The following TBCE variants were observed in gnomAD, a reference collection of about 807,000 sequenced individuals.
TBCE encodes the protein tubulin-specific chaperone E.
TBCE carries 53 observed loss-of-function variants against 77.0 expected under a neutral mutation model. The ratio of observed to expected loss-of-function variants is 0.69; its 90% CI spans 0.55 to 0.87. The LOEUF is 0.87. Among genes scored for constraint, TBCE ranks in the 40% least tolerant of loss-of-function variants. TBCE has a pLI of 0.00. For missense variants in TBCE, 624 were observed against 622.4 expected, an observed-to-expected ratio of 1.00 and a Z score of -0.03; for synonymous variants, 235 against 241.3, an observed-to-expected ratio of 0.97 and a Z score of 0.24.
Position 235,419,548 on chromosome 1 carries a change from T to C in TBCE, c.447T>C (p.Ala149=), listed in dbSNP as rs1680282424. The change falls in exon 5 of 17, where the codon GCT becomes GCC. Residue 149 remains alanine, a synonymous_variant. Coordinates refer to ENST00000642610, the MANE Select transcript of TBCE (RefSeq NM_003193.5). Reference sequence around the variant, plus strand: ...GTGCTGGTGAAAAAGGAGGAGTTGCTGAAGCATGTCCTAGTATCCTTTTCA... The same window carrying C: ...GTGCTGGTGAAAAAGGAGGAGTTGCCGAAGCATGTCCTAGTATCCTTTTCA... ...VSCAGEKGGV[A]EACPNIRKVD... 6.8e-6 allele frequency: 11 copies of C among 1,614,056 alleles called. No homozygotes were observed. The highest frequency in any genetic ancestry group is 8.5e-6 in the Non-Finnish European group (10 of 1,180,038).
At chr1:235,386,670 C>G (rs1027234474) in intron 2 of TBCE, among the ~76,000 whole-genome samples, 3 of 152,140 alleles carry the variant, frequency 2.0e-5, no homozygotes, top group African/African-American at 7.2e-5. Context: ...AAGCACTTCT[C>G]TGTATTGGTT....
At chr1:235,428,655 A>ATTTG (rs1201881651) in intron 6 of TBCE, among the ~76,000 whole-genome samples, 1 of 142,848 alleles carries the variant, frequency 7.0e-6, no homozygotes, top group Non-Finnish European at 1.5e-5. Flanking sequence ...TTATTTATTT[A>ATTTG]TTTATTTGAG....
At chr1:235,369,791 C>G (rs1676794866) in intron 1 of TBCE, among the ~76,000 whole-genome samples, 1 of 150,968 alleles carries the variant, frequency 6.6e-6, no homozygotes, top group Admixed American at 6.6e-5. Flanking sequence ...GAGATTGTGC[C>G]ATTGCACTCC....
intron 3 of TBCE, among the ~76,000 whole-genome samples, chr1:235,410,137 C>T (rs1414219731): frequency 6.6e-6 from 1 of 151,496 alleles, no homozygotes; most frequent in Non-Finnish European, 1.5e-5. Context: ...ATTGCTTCAA[C>T]CCGGGAGGCT....
chr1:235,436,488 C>T, intron 10 of TBCE, 38 bp downstream of exon 10: 1 of 1,610,086 alleles, frequency 6.2e-7, no homozygotes, highest in African/African-American at 1.3e-5. Flanking sequence ...TGCCCCCCCA[C>T]ACTATACTTC....
chr1:235,446,156 G>A (rs537622566), intron 15 of TBCE, among the ~76,000 whole-genome samples: 10 of 152,012 alleles, frequency 6.6e-5, no homozygotes, highest in African/African-American at 1.4e-4. Flanking sequence ...AATGTAGTAC[G>A]TCAATATATT....
intron 1 of TBCE, among the ~76,000 whole-genome samples, chr1:235,369,957 C>T (rs1300814564): frequency 6.6e-6 from 1 of 152,200 alleles, no homozygotes; most frequent in Non-Finnish European, 1.5e-5. Flanking sequence ...TGTATGGTCT[C>T]CTCAAGCGCA....
chr1:235,389,111 T>G (rs1678213453), intron 2 of TBCE, among the ~76,000 whole-genome samples: 1 of 152,248 alleles, frequency 6.6e-6, no homozygotes, highest in Non-Finnish European at 1.5e-5. Flanking sequence ...TCCCAATTCT[T>G]GAAGACAGGG....
chr1:235,415,483 G>A (rs559677272), intron 4 of TBCE: 2 of 152,320 alleles, frequency 1.3e-5, no homozygotes, highest in Admixed American at 1.3e-4. Flanking sequence ...TGTGGTGAGT[G>A]ACTTGGACGA....
chr1:235,370,325 C>T (rs1040647415), intron 1 of TBCE, among the ~76,000 whole-genome samples: 1 of 150,238 alleles, frequency 6.7e-6, no homozygotes, highest in Non-Finnish European at 1.5e-5. Context: ...ACGTTCTCGG[C>T]TCACTGCAAC....
chr1:235,414,272 C>G (rs1679984607), intron 3 of TBCE, among the ~76,000 whole-genome samples, 161 bp from the exon 4 acceptor site: 1 of 152,098 alleles, frequency 6.6e-6, no homozygotes, highest in Non-Finnish European at 1.5e-5. Flanking sequence ...CCTTTATGGT[C>G]AATCATACTG....
intron 13 of TBCE, 123 bp downstream of exon 13, chr1:235,439,045 G>C (rs947995929): frequency 1.7e-5 from 24 of 1,387,980 alleles, no homozygotes; most frequent in Non-Finnish European, 2.3e-5. Context: ...TGGGCTTCTT[G>C]TATTCATCTG....
At chr1:235,434,823 T>A (rs541646083) in intron 8 of TBCE, among the ~76,000 whole-genome samples, 1 of 152,168 alleles carries the variant, frequency 6.6e-6, no homozygotes, top group African/African-American at 2.4e-5. Flanking sequence ...ACTTGCTGTT[T>A]CTAAATGGAA....
chr1:235,371,854 G>T (rs1473369939), intron 1 of TBCE, among the ~76,000 whole-genome samples: 7 of 152,054 alleles, frequency 4.6e-5, no homozygotes, highest in Non-Finnish European at 7.4e-5. Flanking sequence ...TGTTTTTTTA[G>T]TAGAGGTGGG....
chr1:235,383,996 T>C (rs2102821034), intron 2 of TBCE, among the ~76,000 whole-genome samples: 1 of 152,246 alleles, frequency 6.6e-6, no homozygotes, highest in South Asian at 2.1e-4. Context: ...GTCCCATCAA[T>C]ACCTAATTTA....
intron 4 of TBCE, 188 bp downstream of exon 4, chr1:235,414,806 C>A: frequency 1.6e-6 from 1 of 620,338 alleles, no homozygotes; most frequent in Admixed American, 2.7e-5. Flanking sequence ...TATGTTAGCA[C>A]AGGATTGGTA....
intron 4 of TBCE, chr1:235,419,101 G>T: frequency 3.1e-6 from 1 of 321,810 alleles, no homozygotes; most frequent in Non-Finnish European, 6.0e-6. Flanking sequence ...CAGCTACTGG[G>T]GAGGCTGAGG....
intron 15 of TBCE, among the ~76,000 whole-genome samples, chr1:235,445,154 T>C (rs1450328195): frequency 6.6e-6 from 1 of 152,250 alleles, no homozygotes; most frequent in East Asian, 1.9e-4. Context: ...GAGTCCTATA[T>C]TCTATAAATT....
At chr1:235,402,229 A>G (rs1679156886) in intron 3 of TBCE, among the ~76,000 whole-genome samples, 1 of 151,866 alleles carries the variant, frequency 6.6e-6, no homozygotes, top group Non-Finnish European at 1.5e-5. Context: ...ACGCCTGGCT[A>G]ATTTCTGTAC....
Sources: allele counts gnomAD v4.1 joint callset (sites outside exome capture counted in the v4.1 genomes callset), GRCh38; gene constraint gnomAD v4.1.1; transcripts MANE v1.5; gene names NCBI Gene and HGNC (gene_info 2026-07-23, HGNC 2026-07-21).